TRPC7: variants seen among roughly 807,000 people sequenced by gnomAD.
TRPC7 encodes the protein transient receptor potential cation channel subfamily C member 7.
In TRPC7, 42 loss-of-function variants were observed where a neutral mutation model predicts 90.1. The observed-to-expected ratio is 0.47, with a 90% CI of 0.36 to 0.60. The LOEUF is 0.60. TRPC7 is among the 20% of genes least tolerant of loss of function. TRPC7 has a pLI of 0.00. For missense variants in TRPC7, 955 were observed against 1,112.3 expected, an observed-to-expected ratio of 0.86 and a Z score of 2.01; for synonymous variants, 451 against 436.3, an observed-to-expected ratio of 1.03 and a Z score of -0.42.
intron 3 of TRPC7, among the ~76,000 whole-genome samples, chr5:136,303,164 T>C (rs1758464564): frequency 6.6e-6 from 1 of 152,174 alleles, no homozygotes; most frequent in African/African-American, 2.4e-5. Flanking sequence ...ATGCTCCTTT[T>C]TCTTTATCCC....
chr5:136,290,485 G>A (rs1420060437), intron 3 of TRPC7, among the ~76,000 whole-genome samples: 2 of 152,218 alleles, frequency 1.3e-5, no homozygotes, highest in Non-Finnish European at 1.5e-5. Flanking sequence ...TGAGAACTAT[G>A]TGACAAATGC....
intron 2 of TRPC7, among the ~76,000 whole-genome samples, chr5:136,318,545 A>ATG (rs1759098486): frequency 6.6e-6 from 1 of 152,188 alleles, no homozygotes; most frequent in Non-Finnish European, 1.5e-5. Context: ...CAGTCTCCCA[A>ATG]CATGACTGCA....
chr5:136,245,874 G>C (rs538587196), intron 7 of TRPC7, among the ~76,000 whole-genome samples: 82 of 152,234 alleles, frequency 5.4e-4, no homozygotes, highest in African/African-American at 1.9e-3. Flanking sequence ...GGACACAGAG[G>C]CTCAGATAAA....
chr5:136,316,740 C>T (rs1285462582), intron 2 of TRPC7, among the ~76,000 whole-genome samples: 1 of 152,328 alleles, frequency 6.6e-6, no homozygotes, highest in African/African-American at 2.4e-5. Context: ...CCTCATACCT[C>T]TCCTCCCCAA....
intron 2 of TRPC7, among the ~76,000 whole-genome samples, chr5:136,353,056 C>CAA (rs576356332): frequency 2.0e-4 from 30 of 152,212 alleles, no homozygotes; most frequent in Non-Finnish European, 4.3e-4. Context: ...GGGTACCACA[C>CAA]AAGGCACTGG....
chr5:136,337,662 T>G (rs1344047560), intron 2 of TRPC7, among the ~76,000 whole-genome samples: 2 of 97,130 alleles, frequency 2.1e-5, no homozygotes, highest in Non-Finnish European at 4.3e-5. Flanking sequence ...GGAGACTCCA[T>G]CAAAAAAAAA....
At chr5:136,299,701 T>C (rs188650383) in intron 3 of TRPC7, among the ~76,000 whole-genome samples, 1 of 151,124 alleles carries the variant, frequency 6.6e-6, no homozygotes, top group Non-Finnish European at 1.5e-5. Context: ...GTGTAGATGG[T>C]CTTTAGCTGA....
chr5:136,302,769 T>C (rs1758444382), intron 3 of TRPC7, among the ~76,000 whole-genome samples: 1 of 152,154 alleles, frequency 6.6e-6, no homozygotes, highest in Non-Finnish European at 1.5e-5. Context: ...ATAATTCTTT[T>C]CGTAAAATGG....
intron 3 of TRPC7, among the ~76,000 whole-genome samples, chr5:136,313,644 G>A (rs141892343): frequency 8.5e-4 from 129 of 152,258 alleles, no homozygotes; most frequent in East Asian, 4.1e-3. Flanking sequence ...GTCTGCTGTC[G>A]CATGATGGCA....
intron 2 of TRPC7, among the ~76,000 whole-genome samples, chr5:136,354,423 C>T (rs906032472): frequency 1.3e-5 from 2 of 152,088 alleles, no homozygotes; most frequent in Admixed American, 6.6e-5. Context: ...ATAAAGTAAA[C>T]TTTTTAAATA....
chr5:136,213,752 A>G (rs1279266253), intron 11 of TRPC7, 148 bp from the exon 12 acceptor site: 1 of 765,356 alleles, frequency 1.3e-6, no homozygotes, highest in Admixed American at 2.8e-5. Context: ...GGGGGGCTCT[A>G]TTTGAACCCA....
chr5:136,257,666 TAAC>T (rs1243728877), intron 5 of TRPC7, among the ~76,000 whole-genome samples: 3 of 152,184 alleles, frequency 2.0e-5, no homozygotes, highest in Admixed American at 2.0e-4. Context: ...CCTTTTTTGT[TAAC>T]AAAGCTATGT....
In TRPC7 at chr5:136,274,836, A is replaced by C; in HGVS notation, c.965T>G (p.Phe322Cys). The change falls in exon 4 of 12, where the codon TTC becomes TGC. Residue 322 changes from phenylalanine to cysteine, a missense_variant and splice_region_variant. Coordinates refer to ENST00000513104, the MANE Select transcript of TRPC7 (RefSeq NM_020389.3). ...KLAIKYEVKK[F>C]VAHPNCQQQL... ...CTGCTGACAGTTAGGATGAGCAACG[A>C]ACTGTAAAAACAAAACAAAAACAAA... The C allele has an allele frequency of 6.4e-7, 1 of 1,556,068 alleles. No homozygotes were observed. Among genetic ancestry groups the C allele is most frequent in the Non-Finnish European group, 8.7e-7 (1 of 1,150,238 alleles).
intron 2 of TRPC7, among the ~76,000 whole-genome samples, chr5:136,323,861 A>C (rs189016697): frequency 6.6e-6 from 1 of 152,330 alleles, no homozygotes; most frequent in African/African-American, 2.4e-5. Flanking sequence ...TATCTACAAG[A>C]AGTTCTGCTG....
At chr5:136,270,525 G>T (rs1479113496) in intron 4 of TRPC7, among the ~76,000 whole-genome samples, 2 of 152,148 alleles carry the variant, frequency 1.3e-5, no homozygotes, top group Non-Finnish European at 2.9e-5. Context: ...ATGTCTTTAT[G>T]CCACGAGCCT....
At position 136,274,852 on chromosome 5, in the gene TRPC7, C is replaced by A. The variant is rs1757312238; in HGVS notation, c.964-15G>T. ...TGAGCAACGAACTGTAAAAACAAAA[C>A]AAAAACAAAAACAAAACGCAAACAG... On this transcript the variant is annotated splice_polypyrimidine_tract_variant and intron_variant, in intron 3 of 11. Coordinates refer to ENST00000513104, the MANE Select transcript of TRPC7 (RefSeq NM_020389.3). The A allele has an allele frequency of 1.9e-6, 3 of 1,549,518 alleles. No individual in the cohort carries two copies. The highest frequency in any genetic ancestry group is 1.7e-6 in the Non-Finnish European group (2 of 1,146,458).
intron 3 of TRPC7, among the ~76,000 whole-genome samples, chr5:136,305,406 C>A (rs200684006): frequency 6.6e-6 from 1 of 152,188 alleles, no homozygotes; most frequent in Non-Finnish European, 1.5e-5. Context: ...TTGTGGAAAT[C>A]TATCCTCAAG....
chr5:136,287,732 C>CA (rs1757778023), intron 3 of TRPC7, among the ~76,000 whole-genome samples: 5 of 77,414 alleles, frequency 6.5e-5, no homozygotes, highest in Non-Finnish European at 1.1e-4. Context: ...AAAAAAAACC[C>CA]AGAAAAAAAA....
At chr5:136,291,398 T>A (rs866462718) in intron 3 of TRPC7, among the ~76,000 whole-genome samples, 24 of 152,186 alleles carry the variant, frequency 1.6e-4, no homozygotes, top group African/African-American at 5.8e-4. Flanking sequence ...AGAAAACCCA[T>A]CTCATGTGCA....
Sources: gnomAD v4.1 joint callset for allele counts (sites outside exome capture counted in the v4.1 genomes callset) on GRCh38, gnomAD v4.1.1 for gene constraint, MANE v1.5 for transcripts, NCBI Gene and HGNC (gene_info 2026-07-23, HGNC 2026-07-21) for gene names.